CIB4: variants seen among roughly 807,000 people sequenced by gnomAD.
The protein encoded by CIB4 is calcium and integrin binding family member 4.
Under a neutral mutation model 25.8 loss-of-function variants are expected in CIB4, and 25 were observed. The ratio of observed to expected loss-of-function variants is 0.97; its 90% CI spans 0.71 to 1.35. CIB4 has a LOEUF of 1.35. Among genes scored for constraint, CIB4 ranks in the 40% most tolerant of loss-of-function variants. The pLI is 0.00. For missense variants in CIB4, 235 were observed against 228.2 expected, an observed-to-expected ratio of 1.03 and a Z score of -0.19; for synonymous variants, 75 against 81.4, an observed-to-expected ratio of 0.92 and a Z score of 0.42.
chr2:26,597,099 A>AT (rs539988852), intron 3 of CIB4, among the ~76,000 whole-genome samples: 37 of 152,298 alleles, frequency 2.4e-4, no homozygotes, highest in Non-Finnish European at 4.7e-4. Flanking sequence ...TTAAAATGGG[A>AT]TTTTTTGTGG....
At chr2:26,612,668 A>G (rs1669019196) in intron 3 of CIB4, among the ~76,000 whole-genome samples, 1 of 152,002 alleles carries the variant, frequency 6.6e-6, no homozygotes, top group Non-Finnish European at 1.5e-5. Flanking sequence ...CCATTTGCCC[A>G]GAGACAGAGA....
chr2:26,588,676 C>T (rs774690402), intron 4 of CIB4, among the ~76,000 whole-genome samples: 1 of 152,210 alleles, frequency 6.6e-6, no homozygotes, highest in Non-Finnish European at 1.5e-5. Context: ...TTTGCCTCTC[C>T]CCAGCCACCT....
At chr2:26,605,376 A>T in intron 3 of CIB4, 1 of 348,432 alleles carries the variant, frequency 2.9e-6, no homozygotes, top group South Asian at 2.1e-5. Flanking sequence ...CAGCTGGTGG[A>T]TGGTGGAACC....
intron 2 of CIB4, among the ~76,000 whole-genome samples, chr2:26,634,746 A>G (rs1669498776): frequency 6.6e-6 from 1 of 152,232 alleles, no homozygotes; most frequent in African/African-American, 2.4e-5. Flanking sequence ...GGACAGGGCC[A>G]TGGAGTCTAC....
chr2:26,584,486 GA>G (rs1251279899), intron 4 of CIB4, among the ~76,000 whole-genome samples: 2 of 152,200 alleles, frequency 1.3e-5, no homozygotes, highest in Non-Finnish European at 2.9e-5. Context: ...AGTGAAGGGG[GA>G]CAATGGTCCT....
intron 2 of CIB4, among the ~76,000 whole-genome samples, chr2:26,631,634 A>G (rs1342416735): frequency 6.6e-6 from 1 of 152,128 alleles, no homozygotes; most frequent in Non-Finnish European, 1.5e-5. Context: ...CACTGACTAG[A>G]AAAACATCCT....
intron 2 of CIB4, 46 bp downstream of exon 2, chr2:26,640,487 G>A (rs1487970156): frequency 6.3e-7 from 1 of 1,595,744 alleles, no homozygotes; most frequent in Non-Finnish European, 8.6e-7. Context: ...ATCCAGCTCA[G>A]AGGGAGGAGC....
intron 3 of CIB4, among the ~76,000 whole-genome samples, chr2:26,610,479 G>A (rs1401674770): frequency 2.6e-5 from 4 of 152,150 alleles, no homozygotes; most frequent in Non-Finnish European, 5.9e-5. Context: ...TTGGACTATT[G>A]GATTTTTGAA....
At chr2:26,581,576 A>G (rs1427335488) in intron 6 of CIB4, among the ~76,000 whole-genome samples, 183 bp from the exon 7 acceptor site, 1 of 152,186 alleles carries the variant, frequency 6.6e-6, no homozygotes, top group African/African-American at 2.4e-5. Flanking sequence ...TTCTTTCAGC[A>G]TCACCCCAAG....
At chr2:26,623,656 TG>T in intron 3 of CIB4, 1 of 424,454 alleles carries the variant, frequency 2.4e-6, no homozygotes, top group Non-Finnish European at 5.0e-6. Context: ...CTGTAACAGA[TG>T]GAATAAAATG....
intron 3 of CIB4, among the ~76,000 whole-genome samples, chr2:26,622,430 A>G (rs1016043154): frequency 2.6e-5 from 4 of 152,132 alleles, no homozygotes; most frequent in African/African-American, 9.7e-5. Context: ...CTATCATGTA[A>G]CTATATTGGG....
intron 5 of CIB4, 21 bp downstream of exon 5, chr2:26,583,768 C>T: frequency 2.6e-6 from 4 of 1,527,870 alleles, no homozygotes; most frequent in Non-Finnish European, 2.7e-6. Flanking sequence ...CAGCCACCAA[C>T]TCCCAGCCCC....
chr2:26,601,646 AG>A (rs370151330), intron 3 of CIB4, among the ~76,000 whole-genome samples: 30 of 152,256 alleles, frequency 2.0e-4, no homozygotes, highest in African/African-American at 6.7e-4. Flanking sequence ...CACAAACCAT[AG>A]GAGAAGACTC....
intron 4 of CIB4, among the ~76,000 whole-genome samples, chr2:26,584,259 A>T (rs1342407666): frequency 1.3e-5 from 2 of 152,122 alleles, no homozygotes; most frequent in Non-Finnish European, 2.9e-5. Flanking sequence ...GGGAGATTCA[A>T]ACCCAGCCAG....
intron 4 of CIB4, among the ~76,000 whole-genome samples, chr2:26,589,014 C>T (rs1418442599): frequency 1.3e-4 from 3 of 22,690 alleles, no homozygotes; most frequent in African/African-American, 3.4e-4. Flanking sequence ...TCTTCTTCTT[C>T]TTCTTCTTCT....
At chr2:26,619,533 A>G (rs527382453) in intron 3 of CIB4, among the ~76,000 whole-genome samples, 5 of 152,306 alleles carry the variant, frequency 3.3e-5, no homozygotes, top group African/African-American at 1.2e-4. Context: ...GATCCCTTGC[A>G]TCAAACCTCA....
chr2:26,613,592 C>T (rs1057434796), intron 3 of CIB4, among the ~76,000 whole-genome samples: 13 of 152,252 alleles, frequency 8.5e-5, no homozygotes, highest in African/African-American at 2.9e-4. Context: ...TAAAAACCCT[C>T]TGAAGTAGGC....
intron 3 of CIB4, among the ~76,000 whole-genome samples, chr2:26,609,319 G>C (rs1388495296): frequency 2.0e-5 from 3 of 152,090 alleles, no homozygotes; most frequent in Non-Finnish European, 2.9e-5. Context: ...AGAGGAAGGG[G>C]AGAGGCAGCA....
intron 6 of CIB4, among the ~76,000 whole-genome samples, chr2:26,582,177 G>A (rs531140454): frequency 3.9e-5 from 6 of 152,280 alleles, no homozygotes; most frequent in South Asian, 4.1e-4. Flanking sequence ...TGAAATCAGC[G>A]CACCTCTGAG....
Sources: gnomAD v4.1 joint callset for allele counts (sites outside exome capture counted in the v4.1 genomes callset) on GRCh38, gnomAD v4.1.1 for gene constraint, MANE v1.5 for transcripts, NCBI Gene and HGNC (gene_info 2026-07-23, HGNC 2026-07-21) for gene names.